The following FANCA variants were observed in gnomAD, a reference collection of about 807,000 sequenced individuals.
FANCA encodes FA complementation group A, also known as Fanconi anemia group A protein.
A neutral mutation model predicts 194.3 loss-of-function variants in FANCA; 236 were observed. The observed-to-expected ratio is 1.21, with a 90% CI of 1.09 to 1.35. The LOEUF (loss-of-function observed/expected upper bound fraction) is 1.35, where lower values mean the gene tolerates loss of function less well. FANCA is among the 40% of genes most tolerant of loss of function. FANCA has a pLI of 0.00. For synonymous variants in FANCA, 1,014 were observed against 715.8 expected (o/e 1.42, Z -6.65); for missense variants, 2,628 against 1,813.9 (o/e 1.45, Z -8.15).
intron 14 of FANCA, 181 bp downstream of exon 14, chr16:89,791,222 C>G (rs1236137381): frequency 7.5e-6 from 6 of 796,262 alleles, no homozygotes; most frequent in Non-Finnish European, 1.2e-5. Context: ...GCTGAGGCCC[C>G]GACAGGGAGA....
Position 89,771,822 on chromosome 16 carries a change from G to C in FANCA, c.2015-8C>G. The stretch of plus-strand genomic sequence containing the variant: ...CCACCTGTGCCGATATAACTGCGAA[G>C]GAAGAAACTAGTTAGGGATGACAAG... On this transcript the variant is annotated splice_region_variant and splice_polypyrimidine_tract_variant and intron_variant, in intron 22 of 42. Coordinates refer to ENST00000389301, the MANE Select transcript of FANCA (RefSeq NM_000135.4). The C allele has an allele frequency of 1.2e-6, 2 of 1,613,576 alleles. No homozygotes were observed. Among genetic ancestry groups the C allele is most frequent in the Non-Finnish European group, 1.7e-6 (2 of 1,180,024 alleles).
chr16:89,795,553 G>C (rs1377652649), intron 11 of FANCA, among the ~76,000 whole-genome samples: 1 of 152,130 alleles, frequency 6.6e-6, no homozygotes, highest in Non-Finnish European at 1.5e-5. Context: ...CACGAGAATT[G>C]CTTGAACCTG....
chr16:89,755,864 C>A (rs1048990775), intron 30 of FANCA, among the ~76,000 whole-genome samples: 11 of 151,360 alleles, frequency 7.3e-5, no homozygotes, highest in African/African-American at 2.4e-4. Context: ...CACGGCCCAC[C>A]GCACAGACAC....
At chr16:89,803,604 G>A (rs1300838259) in intron 7 of FANCA, among the ~76,000 whole-genome samples, 5 of 150,452 alleles carry the variant, frequency 3.3e-5, no homozygotes, top group South Asian at 2.1e-4. Context: ...AAGGGAACAA[G>A]TTTATAGTCA....
At chr16:89,795,789 A>T in intron 11 of FANCA, 117 bp downstream of exon 11, 1 of 764,704 alleles carries the variant, frequency 1.3e-6, no homozygotes, top group Non-Finnish European at 2.4e-6. Context: ...CTGGTTCAAG[A>T]CAGACGTAAA....
At chr16:89,793,529 T>A (rs1383734326) in intron 11 of FANCA, among the ~76,000 whole-genome samples, 3 of 152,330 alleles carry the variant, frequency 2.0e-5, no homozygotes, top group Admixed American at 2.0e-4. Flanking sequence ...ATTCTTGTTT[T>A]ATATTTTATT....
At position 89,752,166 on chromosome 16, in the gene FANCA, C is replaced by T. The variant is rs1344050941; in HGVS notation, c.3038G>A (p.Gly1013Glu). 3 of 1,614,176 alleles carry T rather than the reference C, an allele frequency of 1.9e-6. No homozygotes were observed. The South Asian group carries it at 3.3e-5, about 18-fold the overall frequency. ...CAATCTGGAAATAATATCCTCATTT[C>T]CTGTGCGGCCACCAAAGACCAAATC... is the stretch of plus-strand genomic sequence containing the variant. ...NSDLVFGGRT[G>E]NEDIISRLQE... Residue 1013 changes from glycine to glutamate, a missense_variant, in exon 31 of 43, where the codon GGA becomes GAA. Gly to Glu is a moderately conservative substitution (Grantham distance 98, BLOSUM62 -2). Coordinates refer to ENST00000389301, the MANE Select transcript of FANCA (RefSeq NM_000135.4).
chr16:89,779,646 G>A (rs763187408), intron 18 of FANCA, among the ~76,000 whole-genome samples: 1 of 152,314 alleles, frequency 6.6e-6, no homozygotes, highest in Middle Eastern at 3.4e-3. Context: ...TCGATTCACA[G>A]CCCTGACTCC....
intron 8 of FANCA, among the ~76,000 whole-genome samples, 196 bp from the exon 9 acceptor site, chr16:89,799,834 A>G (rs1020081074): frequency 6.6e-6 from 1 of 152,208 alleles, no homozygotes; most frequent in Non-Finnish European, 1.5e-5. Flanking sequence ...TCTACTAAAA[A>G]TACAAAAAAT....
intron 20 of FANCA, among the ~76,000 whole-genome samples, chr16:89,777,333 G>A (rs1180774699): frequency 6.6e-6 from 1 of 152,180 alleles, no homozygotes; most frequent in Non-Finnish European, 1.5e-5. Flanking sequence ...AGTAAGCCAT[G>A]ACTGCACCGC....
rs776633199 is a variant in FANCA, at chr16:89,791,554, C to T, written c.1226-18G>A. On this transcript the variant is annotated intron_variant, in intron 13 of 42. Coordinates refer to ENST00000389301, the MANE Select transcript of FANCA (RefSeq NM_000135.4). ...CACCCAGTCTAGTTAAGAACCATGA[C>T]ATAGTCACAGCAAGGCAAGGGCAGC... is the stretch of plus-strand genomic sequence containing the variant. 2 of 1,613,714 alleles carry T rather than the reference C, an allele frequency of 1.2e-6. No individual in the cohort carries two copies. The highest frequency in any genetic ancestry group is 8.5e-7 in the Non-Finnish European group (1 of 1,180,004).
rs1426174782 is a variant in FANCA, at chr16:89,773,398, G to T, written c.1901-14C>A. The T allele has an allele frequency of 2.0e-6, 3 of 1,526,486 alleles. No homozygotes were observed. The highest frequency in any genetic ancestry group is 2.7e-6 in the Non-Finnish European group (3 of 1,124,496). The allele number at this position is 1,526,486 out of a possible 1,614,324, so 94.6% of individuals were successfully genotyped here. ...CCAGGGCTGCATCTGTGAGAAGAAG[G>T]AAGAAACCAGATGGAAAGACACTCA... On this transcript the variant is annotated splice_polypyrimidine_tract_variant and intron_variant, in intron 21 of 42. Coordinates refer to ENST00000389301, the MANE Select transcript of FANCA (RefSeq NM_000135.4).
intron 10 of FANCA, 109 bp from the exon 11 acceptor site, chr16:89,796,127 A>T: frequency 1.2e-6 from 1 of 842,896 alleles, no homozygotes. Flanking sequence ...TAAGCAAGGA[A>T]GGGGCTTTCT....
intron 14 of FANCA, 141 bp downstream of exon 14, chr16:89,791,262 G>T: frequency 1.8e-6 from 2 of 1,128,166 alleles, no homozygotes; most frequent in East Asian, 2.6e-5. Context: ...CGCAGAGGAA[G>T]ATCTGCCAAG....
chr16:89,809,187 T>C (rs913826648), intron 5 of FANCA, among the ~76,000 whole-genome samples: 8 of 151,650 alleles, frequency 5.3e-5, no homozygotes, highest in African/African-American at 1.9e-4. Context: ...ATTACAGGTG[T>C]GAGCCACTGG....
intron 14 of FANCA, chr16:89,791,005 TTG>T (rs1287893743): frequency 0.016 from 3,782 of 230,140 alleles, 231 homozygotes; most frequent in African/African-American, 0.1. Flanking sequence ...AGTTTTTGTT[TTG>T]TGTGTGTGTG....
chr16:89,782,571 C>T (rs2039756694), intron 17 of FANCA, among the ~76,000 whole-genome samples: 1 of 152,086 alleles, frequency 6.6e-6, no homozygotes, highest in South Asian at 2.1e-4. Context: ...CGAACCACCT[C>T]TCCATTCAAC....
chr16:89,769,169 C>T (rs997867683), intron 26 of FANCA, among the ~76,000 whole-genome samples: 1 of 152,208 alleles, frequency 6.6e-6, no homozygotes, highest in African/African-American at 2.4e-5. Flanking sequence ...TCTCCGGCAC[C>T]GCAACAGGGC....
Position 89,749,728 on chromosome 16 carries a change from A to AC in FANCA, c.3239+1dup, listed in dbSNP as rs766989857. The AC allele has an allele frequency of 3.7e-6, 6 of 1,613,350 alleles. No individual in the cohort carries two copies. In the South Asian group the frequency reaches 6.6e-5, roughly 18 times the overall value. ...CCCTGCCCAGGTGGTAGTAGGTGTT[A>AC]CCGTTTGTACATTAGCAGCTCCCTC... On this transcript the variant is annotated splice_donor_variant, in intron 32 of 42. Coordinates refer to ENST00000389301, the MANE Select transcript of FANCA (RefSeq NM_000135.4). LOFTEE classifies it high-confidence loss of function.
Sources: gnomAD v4.1 joint callset for allele counts (sites outside exome capture counted in the v4.1 genomes callset) on GRCh38, gnomAD v4.1.1 for gene constraint, MANE v1.5 for transcripts, NCBI Gene and HGNC (gene_info 2026-07-23, HGNC 2026-07-21) for gene names.